BNC2: variants seen among roughly 807,000 people sequenced by gnomAD.
BNC2 encodes the protein zinc finger protein basonuclin-2.
Under a neutral mutation model 76.3 loss-of-function variants are expected in BNC2, and 20 were observed. That is an observed-to-expected ratio of 0.26 (90% CI 0.18 to 0.38). The LOEUF is 0.38. Among genes scored for constraint, BNC2 ranks in the 10% least tolerant of loss-of-function variants. The pLI, the probability that BNC2 is intolerant of heterozygous loss-of-function variation, is 1.00. For synonymous variants in BNC2, 582 were observed against 514.8 expected, an observed-to-expected ratio of 1.13 and a Z score of -1.77; for missense variants, 1,382 against 1,399.8, an observed-to-expected ratio of 0.99 and a Z score of 0.20.
In BNC2 at chr9:16,411,306, G is replaced by C. The variant is rs1434404518; in HGVS notation, c.*7683C>G. ...CTATAAAATCTTGGTATAGCACTTA[G>C]ATACTCTCTCTTCAAGAAATATACT... On this transcript the variant is annotated 3_prime_UTR_variant, in exon 7 of 7. Transcript: ENST00000380672. 3 of 152,592 alleles carry C rather than the reference G, an allele frequency of 2.0e-5. No homozygotes were observed. Among genetic ancestry groups the C allele is most frequent in the Non-Finnish European group, 2.9e-5 (2 of 68,026 alleles). The allele number at this position is 152,592 out of a possible 1,614,324, so 9.5% of individuals were successfully genotyped here. A position where few individuals can be genotyped will look rare whatever the true frequency, so the allele number is the denominator to read the frequency against.
chr9:16,815,224 G>C (rs1818154331), intron 1 of BNC2, among the ~76,000 whole-genome samples: 2 of 152,168 alleles, frequency 1.3e-5, no homozygotes, highest in South Asian at 2.1e-4. Context: ...AGCTAAACTA[G>C]ATTAAGTACA....
At chr9:16,522,862 C>T (rs1817661356) in intron 5 of BNC2, among the ~76,000 whole-genome samples, 1 of 152,092 alleles carries the variant, frequency 6.6e-6, no homozygotes. Context: ...TCAAAACCAC[C>T]ACTCTGTTTT....
intron 1 of BNC2, among the ~76,000 whole-genome samples, chr9:16,818,365 C>A (rs1281576177): frequency 6.6e-6 from 1 of 152,144 alleles, no homozygotes; most frequent in Non-Finnish European, 1.5e-5. Context: ...CATGGCGCCA[C>A]TGCACTCCAG....
chr9:16,772,726 TC>T (rs1262818038), intron 1 of BNC2, among the ~76,000 whole-genome samples: 1 of 152,202 alleles, frequency 6.6e-6, no homozygotes, highest in Non-Finnish European at 1.5e-5. Flanking sequence ...GGTGCTGGAA[TC>T]TTTTGGTCTG....
At chr9:16,727,707 G>C (rs983143537) in intron 3 of BNC2, 90 bp downstream of exon 3, 20 of 1,162,618 alleles carry the variant, frequency 1.7e-5, no homozygotes, top group Non-Finnish European at 2.4e-5. Context: ...AAAGTATTTA[G>C]AAAGAAAAAC....
chr9:16,493,138 T>C (rs1402707413), intron 5 of BNC2, among the ~76,000 whole-genome samples: 1 of 152,070 alleles, frequency 6.6e-6, no homozygotes, highest in Non-Finnish European at 1.5e-5. Flanking sequence ...TTCGAAGAAA[T>C]AAAGTACGCA....
intron 1 of BNC2, among the ~76,000 whole-genome samples, chr9:16,762,139 C>G (rs938710214): frequency 3.3e-5 from 5 of 152,252 alleles, no homozygotes; most frequent in South Asian, 4.2e-4. Context: ...ACTCTTCACT[C>G]TGGAAGGTGA....
intron 5 of BNC2, among the ~76,000 whole-genome samples, chr9:16,478,493 C>A (rs1178591145): frequency 6.6e-6 from 1 of 152,212 alleles, no homozygotes; most frequent in Non-Finnish European, 1.5e-5. Flanking sequence ...ACACAAAATA[C>A]AAACATTTTC....
Position 16,686,906 on chromosome 9 carries a change from G to A in BNC2, c.330+40891C>T, listed in dbSNP as rs556390937. Among the ~76,000 whole-genome samples, 7 of 152,292 alleles carry A rather than the reference G, an allele frequency of 4.6e-5. No individual in the cohort carries two copies. The East Asian group carries it at 1.4e-3, about 29-fold the overall frequency. ...TTCTTCTTTACTAGGCTCATAAGGT[G>A]AAATGGACAGAGTGTCATCTGTCTT... is the stretch of plus-strand genomic sequence containing the variant. On this transcript the variant is annotated intron_variant, in intron 3 of 6. Transcript: ENST00000380672.
At chr9:16,446,509 T>C (rs1821234537) in intron 5 of BNC2, among the ~76,000 whole-genome samples, 1 of 152,152 alleles carries the variant, frequency 6.6e-6, no homozygotes, top group Non-Finnish European at 1.5e-5. Flanking sequence ...GGAAAGGATA[T>C]ATTTTTAAAA....
intron 1 of BNC2, among the ~76,000 whole-genome samples, chr9:16,865,148 A>T (rs907694367): frequency 2.6e-5 from 4 of 152,116 alleles, no homozygotes; most frequent in Non-Finnish European, 5.9e-5. Flanking sequence ...TCTTTGTAAT[A>T]AACACAAAAA....
intron 5 of BNC2, among the ~76,000 whole-genome samples, chr9:16,510,315 T>A (rs1488597898): frequency 1.3e-5 from 2 of 152,190 alleles, no homozygotes; most frequent in African/African-American, 2.4e-5. Flanking sequence ...GAGTTGCTGA[T>A]TTTCCTAGAG....
intron 3 of BNC2, among the ~76,000 whole-genome samples, chr9:16,630,018 T>G (rs951779916): frequency 3.3e-5 from 5 of 152,236 alleles, no homozygotes; most frequent in Non-Finnish European, 7.3e-5. Flanking sequence ...CACTAGGACT[T>G]CTTTCAAAAT....
intron 5 of BNC2, among the ~76,000 whole-genome samples, chr9:16,479,876 T>G (rs12338208): frequency 0.012 from 1,883 of 152,306 alleles, 39 homozygotes; most frequent in African/African-American, 0.042. Context: ...AGCTTAACCT[T>G]TGGAAGAATA....
chr9:16,659,865 C>G (rs10962525), intron 3 of BNC2, among the ~76,000 whole-genome samples: 5 of 152,090 alleles, frequency 3.3e-5, no homozygotes, highest in African/African-American at 1.2e-4. Flanking sequence ...TACTCCCTAT[C>G]TTATATGTTC....
intron 2 of BNC2, 105 bp from the exon 3 acceptor site, chr9:16,728,102 G>A: frequency 1.7e-6 from 1 of 576,304 alleles, no homozygotes. Flanking sequence ...GGAAGGGGGA[G>A]ATTTGGGGGA....
At chr9:16,687,845 T>C (rs1823022688) in intron 3 of BNC2, among the ~76,000 whole-genome samples, 1 of 152,134 alleles carries the variant, frequency 6.6e-6, no homozygotes, top group Admixed American at 6.5e-5. Context: ...CAACTAAAAT[T>C]ACATGCAATT....
chr9:16,625,385 C>T (rs900414384), intron 3 of BNC2, among the ~76,000 whole-genome samples: 3 of 152,152 alleles, frequency 2.0e-5, no homozygotes, highest in African/African-American at 7.2e-5. Flanking sequence ...ACTCCTCCAT[C>T]CACACCCACA....
intron 6 of BNC2, among the ~76,000 whole-genome samples, chr9:16,426,960 T>C (rs1046253861): frequency 6.6e-6 from 1 of 152,120 alleles, no homozygotes; most frequent in African/African-American, 2.4e-5. Context: ...ACCCGAGAAA[T>C]GAGAGAGCAA....
Sources: allele counts gnomAD v4.1 joint callset (sites outside exome capture counted in the v4.1 genomes callset), GRCh38; gene constraint gnomAD v4.1.1; transcripts MANE v1.5; gene names NCBI Gene and HGNC (gene_info 2026-07-23, HGNC 2026-07-21).